Variants in GLYATL1 observed in about 807,000 individuals in gnomAD.
GLYATL1 encodes the protein glycine N-acyltransferase-like protein 1.
Under a neutral mutation model 20.0 loss-of-function variants are expected in GLYATL1, and 15 were observed. That is an observed-to-expected ratio of 0.75 (90% confidence interval 0.50 to 1.15). The LOEUF (loss-of-function observed/expected upper bound fraction) is 1.15. GLYATL1 is among the 50% of genes most tolerant of loss of function. The pLI is 0.00. For synonymous variants in GLYATL1, 151 were observed against 131.5 expected (o/e 1.15, Z -1.01); for missense variants, 380 against 368.5 (o/e 1.03, Z -0.26).
At chr11:58,915,346 G>A (rs1049642923) in intron 1 of GLYATL1, among the ~76,000 whole-genome samples, 4 of 152,192 alleles carry the variant, frequency 2.6e-5, no homozygotes, top group African/African-American at 9.7e-5. Context: ...GCTCAGTGAA[G>A]GGACCTTCAA....
At chr11:58,940,974 A>C (rs1022164827) in intron 1 of GLYATL1, among the ~76,000 whole-genome samples, 6 of 152,128 alleles carry the variant, frequency 3.9e-5, no homozygotes, top group Non-Finnish European at 8.8e-5. Context: ...CAAAAAGACA[A>C]ATAGAGGCAG....
At chr11:58,943,280 A>G (rs1431858758) in intron 1 of GLYATL1, 1 of 1,544,692 alleles carries the variant, frequency 6.5e-7, no homozygotes, top group African/African-American at 1.4e-5. Flanking sequence ...CCATACTTCA[A>G]CTACTCATAG....
chr11:58,907,102 A>C (rs1032921346), intron 1 of GLYATL1: 2 of 333,912 alleles, frequency 6.0e-6, no homozygotes, highest in Non-Finnish European at 1.2e-5. Context: ...AAGTTACACC[A>C]TAATAGTTTT....
intron 1 of GLYATL1, among the ~76,000 whole-genome samples, chr11:58,914,235 C>A (rs1855115707): frequency 6.6e-6 from 1 of 152,212 alleles, no homozygotes; most frequent in South Asian, 2.1e-4. Context: ...TCCAATTCCA[C>A]ACCTCTGCCA....
intron 1 of GLYATL1, 160 bp from the exon 2 acceptor site, chr11:58,943,383 T>A (rs1187461973): frequency 6.5e-7 from 1 of 1,539,562 alleles, no homozygotes; most frequent in Non-Finnish European, 8.7e-7. Flanking sequence ...TTCCTGTACA[T>A]CACTTTACCT....
chr11:58,947,148 A>T lies in GLYATL1; in HGVS notation c.61A>T (p.Ile21Phe). 6.2e-7 allele frequency: 1 copy of T among 1,613,920 alleles called. No homozygotes were observed. Among genetic ancestry groups the T allele is most frequent in the South Asian group, 1.1e-5 (1 of 91,070 alleles). Residue 21 changes from isoleucine to phenylalanine, a missense_variant, in exon 3 of 7, where the codon ATC becomes TTC. Transcript: ENST00000532726. Reference protein sequence around the residue: ...LALYKSLARSIPESLKVYGSV... With the variant: ...LALYKSLARSFPESLKVYGSV... ...CCTATACAAATCCTTGGCCAGGAGC[A>T]TCCCTGAGTCCCTGAAGGTCAGGGA...
Position 58,955,867 on chromosome 11 carries a change from G to T in GLYATL1, c.749G>T (p.Arg250Leu). ...RTGNMARVMV[R>L]YMKYLRQKNI... ...GGCAACATGGCACGAGTGATGGTGC[G>T]ATACATGAAATATCTGCGTCAGAAG... The change falls in exon 7 of 7, where the codon CGA (arginine) becomes CTA (leucine). Residue 250 changes from arginine (R) to leucine (L), a missense_variant. Arg to Leu is a moderately radical substitution (Grantham distance 102). Coordinates refer to ENST00000532726, the MANE Select transcript of GLYATL1 (RefSeq NM_001389712.2). 1 of 1,614,160 alleles carries T rather than the reference G, an allele frequency of 6.2e-7. No individual in the cohort carries two copies. The highest frequency in any genetic ancestry group is 1.1e-5 in the South Asian group (1 of 91,078).
At chr11:58,926,127 T>C (rs747676472), upstream of GLYATL1, among the ~76,000 whole-genome samples, 61 of 152,216 alleles carry the variant, frequency 4.0e-4, no homozygotes, top group Non-Finnish European at 6.0e-4. Flanking sequence ...CATAACTGCT[T>C]AGGTTCCAAT....
At chr11:58,948,623 AG>A (rs1279509334) in intron 4 of GLYATL1, among the ~76,000 whole-genome samples, 1 of 152,092 alleles carries the variant, frequency 6.6e-6, no homozygotes, top group African/African-American at 2.4e-5. Context: ...CCTGGGCAAC[AG>A]AGTGAGACCC....
At chr11:58,938,900 T>C (rs1240895056), upstream of GLYATL1, among the ~76,000 whole-genome samples, 1 of 151,990 alleles carries the variant, frequency 6.6e-6, no homozygotes, top group Non-Finnish European at 1.5e-5. Flanking sequence ...TACAGATAGG[T>C]GAGGAGCCCA....
rs149842572 is a variant in GLYATL1 at position 58,915,966 on chromosome 11, G to T, written n.264+10305G>T. On this transcript the variant is annotated intron_variant and non_coding_transcript_variant, in intron 1 of 2. Transcript: ENST00000534674. The stretch of plus-strand genomic sequence containing the variant: ...AATGTCTTTAGGTAAAGTCACAGGT[G>T]GGCTGCCTGCCTCTCTGAATGAGCC... Among the ~76,000 whole-genome samples, 1,042 of 152,318 alleles carry T rather than the reference G, an allele frequency of 6.8e-3. 9 individuals are homozygous for T. The highest frequency in any genetic ancestry group is 0.011 in the Non-Finnish European group (748 of 68,018).
At chr11:58,909,300 G>A (rs141542417), downstream of GLYATL1, among the ~76,000 whole-genome samples, 65 of 152,276 alleles carry the variant, frequency 4.3e-4, no homozygotes, top group African/African-American at 1.4e-3. Context: ...AGGTGAATAA[G>A]TTCTCAAGAT....
upstream of GLYATL1, among the ~76,000 whole-genome samples, chr11:58,937,768 G>A (rs140875430): frequency 1.1e-3 from 169 of 152,332 alleles, 1 homozygote; most frequent in East Asian, 0.03. Flanking sequence ...GGTGCCAACA[G>A]CTATCAGATG....
intron 1 of GLYATL1, among the ~76,000 whole-genome samples, chr11:58,915,187 C>T (rs1304757308): frequency 2.0e-5 from 3 of 152,212 alleles, no homozygotes; most frequent in East Asian, 3.8e-4. Flanking sequence ...CCAAATATGC[C>T]TGCCAGTCAC....
exon 2 of GLYATL1, chr11:58,907,241 G>T (rs767239960): frequency 4.4e-6 from 2 of 456,214 alleles, no homozygotes; most frequent in South Asian, 3.1e-5. Context: ...GCCTCTGCAG[G>T]TCACCCGCCA....
chr11:58,942,317 A>G (rs1203156949), intron 1 of GLYATL1, among the ~76,000 whole-genome samples: 1 of 152,186 alleles, frequency 6.6e-6, no homozygotes, highest in Non-Finnish European at 1.5e-5. Flanking sequence ...TTCAGAAGAA[A>G]GCAATATCTC....
At chr11:58,909,471 G>A (rs1218717384), downstream of GLYATL1, among the ~76,000 whole-genome samples, 1 of 152,118 alleles carries the variant, frequency 6.6e-6, no homozygotes, top group African/African-American at 2.4e-5. Context: ...AGATTCTGGT[G>A]ATAATGTATC....
upstream of GLYATL1, among the ~76,000 whole-genome samples, chr11:58,925,629 T>C (rs75758304): frequency 8.1e-3 from 1,239 of 152,330 alleles, 17 homozygotes; most frequent in South Asian, 0.05. Flanking sequence ...TTCTTTCTCA[T>C]GTTAATAATT....
At chr11:58,943,140 G>A in intron 1 of GLYATL1, 1 of 862,504 alleles carries the variant, frequency 1.2e-6, no homozygotes, top group South Asian at 2.8e-5. Context: ...AGCCTGAGAA[G>A]GACTCTGTAC....
Sources: gnomAD v4.1 joint callset for allele counts (sites outside exome capture counted in the v4.1 genomes callset) on GRCh38, gnomAD v4.1.1 for gene constraint, MANE v1.5 for transcripts, NCBI Gene and HGNC (gene_info 2026-07-23, HGNC 2026-07-21) for gene names.